Variants in CNTNAP2 observed in about 807,000 individuals in gnomAD.
The protein encoded by CNTNAP2 is contactin-associated protein-like 2.
A neutral mutation model predicts 155.2 loss-of-function variants in CNTNAP2; 98 were observed. The ratio of observed to expected loss-of-function variants is 0.63; its 90% CI spans 0.54 to 0.75. CNTNAP2 has a LOEUF of 0.75. Among genes scored for constraint, CNTNAP2 ranks in the 30% least tolerant of loss-of-function variants. The pLI is 0.00. For missense variants in CNTNAP2, 1,727 were observed against 1,688.1 expected (o/e 1.02, Z -0.40); for synonymous variants, 651 against 631.2 (o/e 1.03, Z -0.47).
intron 18 of CNTNAP2, among the ~76,000 whole-genome samples, chr7:148,182,003 C>T (rs1037574669): frequency 2.0e-5 from 3 of 151,770 alleles, no homozygotes; most frequent in Non-Finnish European, 4.4e-5. Context: ...GTGATCCGCC[C>T]GCCTCAGCCT....
chr7:148,217,569 G>C (rs377679696), intron 19 of CNTNAP2, 45 bp downstream of exon 19: 8 of 1,581,878 alleles, frequency 5.1e-6, no homozygotes, highest in Admixed American at 5.0e-5. Context: ...CATTTGGGCA[G>C]ACAGAATGTT....
intron 8 of CNTNAP2, among the ~76,000 whole-genome samples, chr7:147,203,870 C>A (rs984472029): frequency 6.6e-6 from 1 of 151,960 alleles, no homozygotes; most frequent in Admixed American, 6.6e-5. Context: ...TAAAAAGCAA[C>A]AATAGATTAT....
At chr7:146,791,982 G>A (rs1802682010) in intron 2 of CNTNAP2, among the ~76,000 whole-genome samples, 1 of 152,106 alleles carries the variant, frequency 6.6e-6, no homozygotes, top group African/African-American at 2.4e-5. Flanking sequence ...AAAAAAGTGT[G>A]GTTGATTTCT....
intron 22 of CNTNAP2, among the ~76,000 whole-genome samples, chr7:148,400,047 C>T (rs1006346589): frequency 2.6e-5 from 4 of 152,148 alleles, no homozygotes; most frequent in African/African-American, 7.2e-5. Context: ...TACCAAAGCT[C>T]AGGGCATCCG....
intron 9 of CNTNAP2, among the ~76,000 whole-genome samples, chr7:147,322,566 G>A (rs2620462): frequency 0.49 from 72,724 of 149,256 alleles, 18,829 homozygotes; most frequent in East Asian, 0.73. Context: ...CCCGGCTTTG[G>A]TATCAGAATG....
intron 11 of CNTNAP2, among the ~76,000 whole-genome samples, chr7:147,534,285 C>T (rs183235259): frequency 1.3e-5 from 2 of 152,270 alleles, no homozygotes; most frequent in Admixed American, 6.5e-5. Context: ...CAGCCCAAAA[C>T]GTCAGTGGTG....
intron 11 of CNTNAP2, 43 bp downstream of exon 11, chr7:147,486,084 G>A: frequency 1.3e-6 from 2 of 1,529,442 alleles, no homozygotes; most frequent in Admixed American, 1.7e-5. Context: ...AATTGCATGA[G>A]AATCTCAAGT....
intron 1 of CNTNAP2, among the ~76,000 whole-genome samples, chr7:146,215,094 A>C (rs1046814293): frequency 2.6e-5 from 4 of 152,184 alleles, no homozygotes; most frequent in Non-Finnish European, 5.9e-5. Context: ...TATTACGTAC[A>C]TGGAAAGGAA....
chr7:148,048,700 G>A (rs1342776167), intron 15 of CNTNAP2, among the ~76,000 whole-genome samples: 6 of 152,160 alleles, frequency 3.9e-5, no homozygotes, highest in Non-Finnish European at 5.9e-5. Context: ...GGTAGCCTGG[G>A]AGTCAAGAAC....
intron 13 of CNTNAP2, among the ~76,000 whole-genome samples, chr7:147,828,263 A>C (rs1206567325): frequency 1.3e-5 from 2 of 152,170 alleles, no homozygotes; most frequent in African/African-American, 4.8e-5. Flanking sequence ...AGGTTAATAC[A>C]GATTGTAGGG....
chr7:146,136,887 G>A (rs192111777), intron 1 of CNTNAP2, among the ~76,000 whole-genome samples: 199 of 152,254 alleles, frequency 1.3e-3, no homozygotes, highest in Non-Finnish European at 2.5e-3. Context: ...GCCATTGTTC[G>A]TGGTGAATTT....
At chr7:147,757,720 G>T (rs1032817880) in intron 13 of CNTNAP2, among the ~76,000 whole-genome samples, 2 of 152,036 alleles carry the variant, frequency 1.3e-5, no homozygotes, top group African/African-American at 2.4e-5. Flanking sequence ...AGAGCTTCAG[G>T]TAAAAATCTT....
intron 21 of CNTNAP2, among the ~76,000 whole-genome samples, chr7:148,382,577 G>A (rs1278258856): frequency 6.6e-6 from 1 of 152,196 alleles, no homozygotes; most frequent in African/African-American, 2.4e-5. Context: ...CAAAGGGCAA[G>A]CAAGCGTAGA....
At chr7:146,265,651 G>C (rs907442084) in intron 1 of CNTNAP2, among the ~76,000 whole-genome samples, 2 of 151,702 alleles carry the variant, frequency 1.3e-5, no homozygotes, top group Non-Finnish European at 2.9e-5. Flanking sequence ...ATAGAGACGG[G>C]GTTTTGCCAT....
intron 18 of CNTNAP2, among the ~76,000 whole-genome samples, chr7:148,212,610 C>T: frequency 6.6e-6 from 1 of 152,090 alleles, no homozygotes; most frequent in East Asian, 1.9e-4. Context: ...CATTCTAAAT[C>T]AATACTTTTT....
intron 3 of CNTNAP2, among the ~76,000 whole-genome samples, chr7:146,968,906 G>T (rs1440027453): frequency 1.4e-5 from 2 of 145,330 alleles, no homozygotes; most frequent in Non-Finnish European, 3.0e-5. Flanking sequence ...TGATGTTAGG[G>T]TGTCAATTTT....
At chr7:146,310,363 G>GT (rs1389142047) in intron 1 of CNTNAP2, among the ~76,000 whole-genome samples, 1 of 152,068 alleles carries the variant, frequency 6.6e-6, no homozygotes, top group Non-Finnish European at 1.5e-5. Flanking sequence ...TTGTATCAGT[G>GT]TTTTTTATGA....
intron 13 of CNTNAP2, among the ~76,000 whole-genome samples, chr7:147,664,032 A>T (rs1178238191): frequency 6.6e-6 from 1 of 152,376 alleles, no homozygotes; most frequent in Admixed American, 6.5e-5. Flanking sequence ...ACCACAAGAC[A>T]TTAACAGAGT....
chr7:146,875,934 C>CAAAAAAA (rs56304234), intron 3 of CNTNAP2, among the ~76,000 whole-genome samples: 409 of 55,072 alleles, frequency 7.4e-3, no homozygotes, highest in East Asian at 0.019. Context: ...ACATACACAG[C>CAAAAAAA]AAAAAAAAAA....
Sources: gnomAD v4.1 joint callset for allele counts (sites outside exome capture counted in the v4.1 genomes callset) on GRCh38, gnomAD v4.1.1 for gene constraint, MANE v1.5 for transcripts, NCBI Gene and HGNC (gene_info 2026-07-23, HGNC 2026-07-21) for gene names.